The following SEC14L1 variants were observed in gnomAD, a reference collection of about 807,000 sequenced individuals.
SEC14L1 encodes SEC14-like protein 1.
In SEC14L1, 48 loss-of-function variants were observed where a neutral mutation model predicts 85.3. The observed-to-expected ratio is 0.56, with a 90% CI of 0.45 to 0.72. SEC14L1 has a LOEUF of 0.72. Among genes scored for constraint, SEC14L1 ranks in the 30% least tolerant of loss-of-function variants. SEC14L1 has a pLI of 0.00. For missense variants in SEC14L1, 682 were observed against 921.4 expected (o/e 0.74, Z 3.36); for synonymous variants, 391 against 355.5 (o/e 1.10, Z -1.12).
At chr17:77,123,770 A>G (rs1282017713) in intron 3 of SEC14L1, among the ~76,000 whole-genome samples, 2 of 152,046 alleles carry the variant, frequency 1.3e-5, no homozygotes, top group African/African-American at 4.8e-5. Context: ...AATCAGGTCC[A>G]CCTGCTGGCC....
intron 3 of SEC14L1, among the ~76,000 whole-genome samples, chr17:77,123,215 A>G (rs1346698838): frequency 6.6e-6 from 1 of 151,238 alleles, no homozygotes. Context: ...ATGCCCAGCT[A>G]ATTTTTTGTA....
chr17:77,093,469 G>A (rs3744062), intron 3 of SEC14L1: 3,201 of 152,262 alleles, frequency 0.021, 71 homozygotes, highest in Admixed American at 0.053. Context: ...TCCTGTGCCC[G>A]CCGGCCATGT....
intron 3 of SEC14L1, among the ~76,000 whole-genome samples, chr17:77,150,708 C>T (rs540140820): frequency 1.9e-3 from 290 of 152,300 alleles, no homozygotes; most frequent in Non-Finnish European, 3.3e-3. Flanking sequence ...GTGCCCATGT[C>T]GTTCCTCTGG....
At chr17:77,129,271 C>T (rs1972544572) in intron 3 of SEC14L1, among the ~76,000 whole-genome samples, 1 of 152,146 alleles carries the variant, frequency 6.6e-6, no homozygotes, top group Non-Finnish European at 1.5e-5. Context: ...ACACCAAATT[C>T]CATCAGCATC....
At chr17:77,203,746 A>G (rs1364022963) in intron 10 of SEC14L1, 88 bp downstream of exon 10, 2 of 949,534 alleles carry the variant, frequency 2.1e-6, no homozygotes, top group Non-Finnish European at 3.3e-6. Context: ...CCAGCCTGTT[A>G]GAACAAACAT....
At chr17:77,205,229 T>C (rs1275019162) in intron 10 of SEC14L1, 47 bp from the exon 11 acceptor site, 1 of 1,524,348 alleles carries the variant, frequency 6.6e-7, no homozygotes, top group Non-Finnish European at 9.1e-7. Context: ...GCGGTAGTTT[T>C]AGCCTTAAAC....
At chr17:77,207,770 T>TA (rs1439933080) in intron 13 of SEC14L1, among the ~76,000 whole-genome samples, 3 of 152,084 alleles carry the variant, frequency 2.0e-5, no homozygotes, top group Non-Finnish European at 4.4e-5. Flanking sequence ...ATTTTTAAAG[T>TA]AAAAAAACGA....
At chr17:77,142,089 G>GT (rs1442417843) in intron 1 of SEC14L1, among the ~76,000 whole-genome samples, 1 of 152,034 alleles carries the variant, frequency 6.6e-6, no homozygotes, top group Non-Finnish European at 1.5e-5. Context: ...TCATCTCCCC[G>GT]AAAACCTCAT....
At chr17:77,166,176 A>G (rs934779290) in intron 3 of SEC14L1, among the ~76,000 whole-genome samples, 4 of 152,174 alleles carry the variant, frequency 2.6e-5, no homozygotes, top group Admixed American at 2.0e-4. Context: ...CCTGGGCTCA[A>G]GTGATCCTCC....
intron 3 of SEC14L1, among the ~76,000 whole-genome samples, chr17:77,122,293 T>C (rs1268822654): frequency 6.6e-6 from 1 of 151,744 alleles, no homozygotes; most frequent in Non-Finnish European, 1.5e-5. Flanking sequence ...ATTTTTATTT[T>C]CTTCTTCATC....
At chr17:77,102,810 G>A (rs1334509071) in intron 3 of SEC14L1, among the ~76,000 whole-genome samples, 2 of 151,794 alleles carry the variant, frequency 1.3e-5, no homozygotes, top group Admixed American at 6.6e-5. Flanking sequence ...GGCCTTTTTT[G>A]TTTATTTTAA....
chr17:77,156,123 G>A (rs1973805743), intron 3 of SEC14L1, among the ~76,000 whole-genome samples: 1 of 152,120 alleles, frequency 6.6e-6, no homozygotes, highest in African/African-American at 2.4e-5. Flanking sequence ...GCTGACTCTA[G>A]CTGGCTGCAT....
chr17:77,193,112 A>G (rs779332770), intron 5 of SEC14L1, among the ~76,000 whole-genome samples: 2 of 152,220 alleles, frequency 1.3e-5, no homozygotes, highest in African/African-American at 2.4e-5. Context: ...CTCTTTGTTC[A>G]TGATGGAGAA....
At chr17:77,118,579 C>A (rs1972229878) in intron 3 of SEC14L1, among the ~76,000 whole-genome samples, 1 of 152,194 alleles carries the variant, frequency 6.6e-6, no homozygotes, top group Admixed American at 6.5e-5. Flanking sequence ...CTGCCACGTC[C>A]AATGTACGGA....
chr17:77,182,780 C>G (rs1209553173), intron 3 of SEC14L1, among the ~76,000 whole-genome samples: 2 of 152,198 alleles, frequency 1.3e-5, no homozygotes, highest in African/African-American at 2.4e-5. Context: ...TTCCCACATT[C>G]TTTTAGTGCA....
intron 3 of SEC14L1, among the ~76,000 whole-genome samples, chr17:77,123,412 C>CCCTTTTTTTT (rs1972353209): frequency 9.5e-5 from 2 of 21,102 alleles, no homozygotes; most frequent in Non-Finnish European, 1.7e-4. Flanking sequence ...CCCAGGCCCA[C>CCCTTTTTTTT]TCTTTTTTTT....
intron 3 of SEC14L1, among the ~76,000 whole-genome samples, chr17:77,095,190 G>T (rs1456400974): frequency 6.6e-6 from 1 of 152,208 alleles, no homozygotes; most frequent in Non-Finnish European, 1.5e-5. Flanking sequence ...CCCCTGAGCA[G>T]TAACATCTTA....
At position 77,206,860 on chromosome 17, in the gene SEC14L1, A is replaced by C; in HGVS notation, c.1474A>C (p.Met492Leu). The change falls in exon 13 of 17, where the codon ATG becomes CTG. Residue 492 changes from methionine to leucine, a missense_variant and splice_region_variant. Transcript: ENST00000436233. This position sits in a 1 kb window ranked among gnomAD's most constrained non-coding sequence, Gnocchi z 4.3. Reference sequence around the variant, plus strand: ...TCCAGATTTCCTGAGTGGGGAGTGCATGGTATGTCCTGAGGCGAGGAACTG... The same window carrying C: ...TCCAGATTTCCTGAGTGGGGAGTGCCTGGTATGTCCTGAGGCGAGGAACTG... ...IIPDFLSGECMCEVPEGGLVP... is the reference protein window; with the variant it reads ...IIPDFLSGECLCEVPEGGLVP... 1 of 1,601,178 alleles carries C rather than the reference A, an allele frequency of 6.2e-7. No individual in the cohort carries two copies. Among genetic ancestry groups the C allele is most frequent in the South Asian group, 1.1e-5 (1 of 88,410 alleles).
rs1345596725 is a variant in SEC14L1 at position 77,213,604 on chromosome 17, C to G, written c.2042+112C>G. 1 of 1,305,970 alleles carries G rather than the reference C, an allele frequency of 7.7e-7. No individual in the cohort carries two copies. Among genetic ancestry groups the G allele is most frequent in the Admixed American group, 1.9e-5 (1 of 52,402 alleles). 80.9% of individuals were successfully genotyped at this position (1,305,970 alleles called of 1,614,324 possible). On this transcript the variant is annotated intron_variant, in intron 16 of 16. Coordinates refer to ENST00000436233, the MANE Select transcript of SEC14L1 (RefSeq NM_001143998.2). The surrounding 1 kb of genome is among the most constrained non-coding windows in gnomAD (Gnocchi z 7.1). ...GCAGTGGCGGCGGGTGTCAGGAATGCTTGGAGGGCCAGGAGGGAGTGGCTT... is the reference window on the plus strand; with the variant it reads ...GCAGTGGCGGCGGGTGTCAGGAATGGTTGGAGGGCCAGGAGGGAGTGGCTT...
Sources: gnomAD v4.1 joint callset for allele counts (sites outside exome capture counted in the v4.1 genomes callset) on GRCh38, gnomAD v4.1.1 for gene constraint, Gnocchi (gnomAD v3.1) non-coding constraint, MANE v1.5 for transcripts, NCBI Gene and HGNC (gene_info 2026-07-23, HGNC 2026-07-21) for gene names.